NEXN: variants seen among roughly 807,000 people sequenced by gnomAD.
NEXN encodes the protein nexilin.
In NEXN, 65 loss-of-function variants were observed where a neutral mutation model predicts 92.6. That is an observed-to-expected ratio of 0.70 (90% confidence interval 0.57 to 0.86). The LOEUF (loss-of-function observed/expected upper bound fraction) is 0.86. NEXN is among the 40% of genes least tolerant of loss of function. The pLI is 0.00. For missense variants in NEXN, 778 were observed against 771.1 expected (o/e 1.01, Z -0.11); for synonymous variants, 254 against 242.5 (o/e 1.05, Z -0.44).
intron 1 of NEXN, among the ~76,000 whole-genome samples, chr1:77,899,348 G>A (rs1647500430): frequency 6.6e-6 from 1 of 152,014 alleles, no homozygotes; most frequent in African/African-American, 2.4e-5. Flanking sequence ...ATGAGTTCAT[G>A]TCCTTTGTAG....
chr1:77,918,415 C>A lies in NEXN; in HGVS notation c.447+142C>A, dbSNP rs1185740705. ...CTAACCGTCTGGGAATGGTGGCTCA[C>A]CTCTGTAATCTCAGCACTTTGGGAG... On this transcript the variant is annotated intron_variant, in intron 5 of 12. Coordinates refer to ENST00000334785, the MANE Select transcript of NEXN (RefSeq NM_144573.4). 4.1e-6 allele frequency: 4 copies of A among 986,484 alleles called. No homozygotes were observed. In the African/African-American group the frequency reaches 6.5e-5, roughly 16 times the overall value. The allele number at this position is 986,484 out of a possible 1,614,324, so 61.1% of individuals were successfully genotyped here. A position where few individuals can be genotyped will look rare whatever the true frequency, so the allele number is the denominator to read the frequency against.
At chr1:77,889,985 A>G (rs1647069123) in intron 1 of NEXN, among the ~76,000 whole-genome samples, 1 of 152,194 alleles carries the variant, frequency 6.6e-6, no homozygotes, top group Non-Finnish European at 1.5e-5. Flanking sequence ...TTCCCCCGCT[A>G]AACATTATCC....
chr1:77,912,579 C>T (rs1648674372), intron 1 of NEXN, among the ~76,000 whole-genome samples: 1 of 151,738 alleles, frequency 6.6e-6, no homozygotes, highest in South Asian at 2.1e-4. Context: ...TGATACAGTG[C>T]AGTGTTGGTG....
At chr1:77,940,379 ACTAT>A (rs1651160112) in intron 11 of NEXN, among the ~76,000 whole-genome samples, 1 of 152,214 alleles carries the variant, frequency 6.6e-6, no homozygotes, top group Non-Finnish European at 1.5e-5. Context: ...CATTTATATT[ACTAT>A]CTTAGATTTC....
intron 6 of NEXN, among the ~76,000 whole-genome samples, chr1:77,926,210 C>T (rs543600536): frequency 2.4e-4 from 37 of 152,020 alleles, no homozygotes; most frequent in Admixed American, 3.3e-4. Context: ...TCTTGAACCT[C>T]GTCAGCAATG....
chr1:77,941,223 G>C (rs1465988648), intron 11 of NEXN, among the ~76,000 whole-genome samples: 3 of 151,954 alleles, frequency 2.0e-5, no homozygotes, highest in East Asian at 3.9e-4. Flanking sequence ...CAAATGCCTA[G>C]GTAGTTAGAA....
chr1:77,933,506 C>A lies in NEXN; in HGVS notation c.1251+27C>A, dbSNP rs772807288. On this transcript the variant is annotated intron_variant, in intron 10 of 12. Coordinates refer to ENST00000334785, the MANE Select transcript of NEXN (RefSeq NM_144573.4). Reference sequence around the variant, plus strand: ...TAAGATTTTAAGAAATATCTATATTCCCCATATTTATTAAGCTAAATATTT... The same window carrying A: ...TAAGATTTTAAGAAATATCTATATTACCCATATTTATTAAGCTAAATATTT... 8 of 1,444,694 alleles carry A rather than the reference C, an allele frequency of 5.5e-6. No individual in the cohort carries two copies. In the South Asian group the frequency reaches 9.3e-5, roughly 17 times the overall value. The allele number at this position is 1,444,694 out of a possible 1,614,324, so 89.5% of individuals were successfully genotyped here. A position where few individuals can be genotyped will look rare whatever the true frequency, so the allele number is the denominator to read the frequency against.
In NEXN at chr1:77,942,039, T is replaced by A; in HGVS notation, c.1490T>A (p.Val497Asp). Residue 497 changes from valine to aspartate, a missense_variant, in exon 12 of 13, where the codon GTT becomes GAT. Val to Asp is a radical substitution (Grantham distance 152, BLOSUM62 -3). Coordinates refer to ENST00000334785, the MANE Select transcript of NEXN (RefSeq NM_144573.4). ...ENFHEEDDVD[V>D]RPARKSEAPF... ...TTCTTGCAGGAAGATGATGTTGATG[T>A]TAGGCCTGCAAGAAAAAGCGAGGCT... The A allele has an allele frequency of 6.2e-7, 1 of 1,613,068 alleles. No homozygotes were observed. Among genetic ancestry groups the A allele is most frequent in the Non-Finnish European group, 8.5e-7 (1 of 1,179,358 alleles).
rs1250716751 is a variant in NEXN at position 77,942,980 on chromosome 1, T to C, written c.*151T>C. The C allele has an allele frequency of 3.5e-6, 4 of 1,129,168 alleles. No homozygotes were observed. Among genetic ancestry groups the C allele is most frequent in the Middle Eastern group, 2.9e-4 (1 of 3,452 alleles). The allele number at this position is 1,129,168 out of a possible 1,614,324, so 69.9% of individuals were successfully genotyped here. On this transcript the variant is annotated 3_prime_UTR_variant, in exon 13 of 13. Transcript: ENST00000334785. ...TTTCTTACTACATCCATCTTTTCTG[T>C]GGCGGGGCCAAAAAAGGAAACCAGG...
rs2102133024 is a variant in NEXN at position 77,929,337 on chromosome 1, C to CAAGACA, written c.887_892dup (p.Asp297_Thr298insLysAsp). The CAAGACA allele has an allele frequency of 1.2e-6, 2 of 1,612,996 alleles. No individual in the cohort carries two copies. The highest frequency in any genetic ancestry group is 4.5e-5 in the East Asian group (2 of 44,806). On this transcript the variant is annotated inframe_insertion, in exon 9 of 13. Coordinates refer to ENST00000334785, the MANE Select transcript of NEXN (RefSeq NM_144573.4). ...TTAGGTAAATGAAGATGAGGAAAAC[C>CAAGACA]AAGACACAGCAAAAATTTTTAAAGG... is the stretch of plus-strand genomic sequence containing the variant.
At chr1:77,895,363 A>T (rs1647210790) in intron 1 of NEXN, among the ~76,000 whole-genome samples, 1 of 152,024 alleles carries the variant, frequency 6.6e-6, no homozygotes, top group South Asian at 2.1e-4. Context: ...TGTAATTTTT[A>T]AAGTATAAGG....
intron 5 of NEXN, among the ~76,000 whole-genome samples, chr1:77,921,572 G>A (rs1227125750): frequency 6.6e-6 from 1 of 151,898 alleles, no homozygotes; most frequent in Non-Finnish European, 1.5e-5. Flanking sequence ...AGCCTCCTAA[G>A]TAGCTGGGAC....
chr1:77,892,207 TAAAG>T (rs1647125709), intron 1 of NEXN, among the ~76,000 whole-genome samples: 2 of 152,344 alleles, frequency 1.3e-5, no homozygotes, highest in African/African-American at 4.8e-5. Flanking sequence ...TTCACTTTTT[TAAAG>T]AAATTATTTT....
intron 1 of NEXN, among the ~76,000 whole-genome samples, chr1:77,910,349 A>G (rs1264042416): frequency 6.6e-6 from 1 of 152,236 alleles, no homozygotes; most frequent in East Asian, 1.9e-4. Context: ...AGAAAAAGAA[A>G]TGAAAGGCAT....
At chr1:77,911,752 T>C (rs1386808911) in intron 1 of NEXN, among the ~76,000 whole-genome samples, 1 of 151,376 alleles carries the variant, frequency 6.6e-6, no homozygotes, top group Non-Finnish European at 1.5e-5. Context: ...TATATATATA[T>C]ATATATATAC....
At chr1:77,917,516 C>T (rs1649067551) in intron 2 of NEXN, 50 bp from the exon 3 acceptor site, 1 of 1,328,506 alleles carries the variant, frequency 7.5e-7, no homozygotes, top group African/African-American at 1.5e-5. Context: ...TACCTAATTT[C>T]TTCCTATCTT....
At chr1:77,898,348 A>G (rs1647403508) in intron 1 of NEXN, among the ~76,000 whole-genome samples, 1 of 152,232 alleles carries the variant, frequency 6.6e-6, no homozygotes, top group South Asian at 2.1e-4. Flanking sequence ...GCCCTCAGAA[A>G]TAATGCCACA....
chr1:77,929,348 A>C lies in NEXN; in HGVS notation c.897A>C (p.Ala299=). 2.5e-6 allele frequency: 4 copies of C among 1,613,604 alleles called. No individual in the cohort carries two copies. The highest frequency in any genetic ancestry group is 3.4e-6 in the Non-Finnish European group (4 of 1,179,756). Residue 299 remains alanine, a synonymous_variant, in exon 9 of 13, where the codon GCA becomes GCC. Coordinates refer to ENST00000334785, the MANE Select transcript of NEXN (RefSeq NM_144573.4). Reference sequence around the variant, plus strand: ...AAGATGAGGAAAACCAAGACACAGCAAAAATTTTTAAAGGGTACCGCCCTG... The same window carrying C: ...AAGATGAGGAAAACCAAGACACAGCCAAAATTTTTAAAGGGTACCGCCCTG... ...VNEDEENQDT[A]KIFKGYRPGK...
rs182783081 is a variant in NEXN, at chr1:77,892,560, C to T, written c.-53+3801C>T. On this transcript the variant is annotated intron_variant, in intron 1 of 12. Transcript: ENST00000334785. The stretch of plus-strand genomic sequence containing the variant: ...CCTGAATACTTGAGTATGCAGTCCC[C>T]GATCTAAGTATTAGGGCAAGTATAT... Among the ~76,000 whole-genome samples the T allele has an allele frequency of 3.5e-4, 54 of 152,246 alleles. No individual in the cohort carries two copies. In the East Asian group the frequency reaches 4.8e-3, roughly 14 times the overall value.
Sources: allele counts gnomAD v4.1 joint callset (sites outside exome capture counted in the v4.1 genomes callset), GRCh38; gene constraint gnomAD v4.1.1; transcripts MANE v1.5; gene names NCBI Gene and HGNC (gene_info 2026-07-23, HGNC 2026-07-21).